Variants in RNF150 observed in about 807,000 individuals in gnomAD.
RNF150 encodes the protein ring finger protein 150.
In RNF150, 24 loss-of-function variants were observed where a neutral mutation model predicts 39.3. That is an observed-to-expected ratio of 0.61 (90% CI 0.44 to 0.86). The LOEUF (loss-of-function observed/expected upper bound fraction) is 0.86, where lower values mean the gene tolerates loss of function less well. Ranked by LOEUF, RNF150 falls within the 40% of genes least tolerant of loss-of-function variation. RNF150 has a pLI of 0.00. For synonymous variants in RNF150, 255 were observed against 227.3 expected, an observed-to-expected ratio of 1.12 and a Z score of -1.10; for missense variants, 502 against 587.8, an observed-to-expected ratio of 0.85 and a Z score of 1.51.
At chr4:141,129,237 C>A (rs1726832835) in intron 1 of RNF150, among the ~76,000 whole-genome samples, 1 of 152,122 alleles carries the variant, frequency 6.6e-6, no homozygotes, top group South Asian at 2.1e-4. Context: ...TGAATAAATA[C>A]ACAAAATGTG....
intron 5 of RNF150, among the ~76,000 whole-genome samples, chr4:140,923,891 T>C (rs7686712): frequency 4.0e-5 from 6 of 151,446 alleles, no homozygotes; most frequent in Non-Finnish European, 7.4e-5. Flanking sequence ...AAACACAGCA[T>C]GTTCTCACTC....
intron 1 of RNF150, among the ~76,000 whole-genome samples, chr4:141,060,233 G>A (rs1737160626): frequency 6.6e-6 from 1 of 152,208 alleles, no homozygotes; most frequent in Non-Finnish European, 1.5e-5. Flanking sequence ...TTGAGCCCAG[G>A]AGTTCAAGAC....
At chr4:141,098,380 G>A (rs576778828) in intron 1 of RNF150, among the ~76,000 whole-genome samples, 4 of 152,176 alleles carry the variant, frequency 2.6e-5, no homozygotes, top group Non-Finnish European at 5.9e-5. Context: ...GACAGTCCTG[G>A]CACACAAGCA....
chr4:140,888,411 C>T (rs1729651091), intron 6 of RNF150, among the ~76,000 whole-genome samples: 1 of 152,192 alleles, frequency 6.6e-6, no homozygotes, highest in Admixed American at 6.5e-5. Flanking sequence ...GTAACAAGAG[C>T]AATGGGGCAG....
chr4:141,076,985 A>C (rs762804333), intron 1 of RNF150, among the ~76,000 whole-genome samples: 1 of 152,132 alleles, frequency 6.6e-6, no homozygotes, highest in Non-Finnish European at 1.5e-5. Context: ...CTAAAATGTA[A>C]GTTTCAAGGG....
At chr4:141,139,971 C>T (rs754568905) in intron 1 of RNF150, among the ~76,000 whole-genome samples, 2 of 152,156 alleles carry the variant, frequency 1.3e-5, no homozygotes, top group Non-Finnish European at 2.9e-5. Context: ...TTTCTTTGTT[C>T]ATTTCAGCTC....
chr4:141,191,225 A>G (rs1728105734), intron 1 of RNF150, among the ~76,000 whole-genome samples: 1 of 152,124 alleles, frequency 6.6e-6, no homozygotes, highest in Non-Finnish European at 1.5e-5. Context: ...GTGCCAGCTG[A>G]TGATCTGTGC....
At chr4:140,980,913 C>G (rs887498588) in intron 1 of RNF150, among the ~76,000 whole-genome samples, 1 of 152,100 alleles carries the variant, frequency 6.6e-6, no homozygotes, top group Non-Finnish European at 1.5e-5. Context: ...TCTGGAAATT[C>G]CCAATTTACT....
chr4:141,161,306 A>G (rs1727508130), intron 1 of RNF150, among the ~76,000 whole-genome samples: 1 of 152,338 alleles, frequency 6.6e-6, no homozygotes, highest in East Asian at 1.9e-4. Context: ...GATTTAGGGT[A>G]TATGGCAGAA....
At chr4:140,920,293 C>T (rs12649687) in intron 5 of RNF150, among the ~76,000 whole-genome samples, 40,975 of 138,256 alleles carry the variant, frequency 0.3, 6,535 homozygotes, top group East Asian at 0.68. Context: ...ACTCATCTGA[C>T]AAAGGGCTAA....
At chr4:140,893,402 G>T (rs1361165635) in intron 6 of RNF150, among the ~76,000 whole-genome samples, 1 of 152,174 alleles carries the variant, frequency 6.6e-6, no homozygotes, top group African/African-American at 2.4e-5. Context: ...TGGGGAAGGG[G>T]ACTTATGCTC....
chr4:140,956,339 C>T (rs996448823), intron 2 of RNF150, among the ~76,000 whole-genome samples: 1 of 152,154 alleles, frequency 6.6e-6, no homozygotes, highest in African/African-American at 2.4e-5. Context: ...AGAAGTGGCA[C>T]CTCTAGGGAA....
chr4:140,923,728 C>T (rs998357529), intron 5 of RNF150, among the ~76,000 whole-genome samples: 5 of 152,130 alleles, frequency 3.3e-5, no homozygotes, highest in African/African-American at 9.7e-5. Context: ...ACCCAAATGT[C>T]CAACAATGAT....
intron 1 of RNF150, among the ~76,000 whole-genome samples, chr4:141,086,436 G>A (rs991179465): frequency 9.2e-5 from 14 of 151,878 alleles, no homozygotes; most frequent in Non-Finnish European, 1.5e-5. Flanking sequence ...CCCTATTAAT[G>A]CTTTTGCTTT....
At chr4:140,926,529 G>A (rs1731405362) in intron 4 of RNF150, among the ~76,000 whole-genome samples, 1 of 152,100 alleles carries the variant, frequency 6.6e-6, no homozygotes, top group Non-Finnish European at 1.5e-5. Flanking sequence ...ACACAAAAGG[G>A]CAAAAGAGCT....
intron 6 of RNF150, among the ~76,000 whole-genome samples, chr4:140,878,914 G>A (rs1729273077): frequency 1.3e-5 from 2 of 152,172 alleles, no homozygotes; most frequent in African/African-American, 2.4e-5. Context: ...AATTCAGTTT[G>A]AGTGATTTTT....
intron 1 of RNF150, among the ~76,000 whole-genome samples, chr4:141,160,219 G>A (rs916992465): frequency 6.6e-6 from 1 of 152,154 alleles, no homozygotes; most frequent in Non-Finnish European, 1.5e-5. Context: ...ATAAGATAAG[G>A]AAAGGAAAGA....
At chr4:141,152,785 A>G (rs1727322841) in intron 1 of RNF150, among the ~76,000 whole-genome samples, 2 of 152,194 alleles carry the variant, frequency 1.3e-5, no homozygotes, top group African/African-American at 2.4e-5. Flanking sequence ...ATGTAACATC[A>G]TATAATGGGA....
At chr4:140,886,422 C>T (rs1297827438) in intron 6 of RNF150, among the ~76,000 whole-genome samples, 1 of 152,084 alleles carries the variant, frequency 6.6e-6, no homozygotes, top group Non-Finnish European at 1.5e-5. Context: ...CCACTAGTGA[C>T]ATAAGGCAGG....
Sources: allele counts gnomAD v4.1 joint callset (sites outside exome capture counted in the v4.1 genomes callset), GRCh38; gene constraint gnomAD v4.1.1; transcripts MANE v1.5; gene names NCBI Gene and HGNC (gene_info 2026-07-23, HGNC 2026-07-21).